MCM6: variants seen among roughly 807,000 people sequenced by gnomAD.
MCM6 encodes the protein minichromosome maintenance complex component 6, also known as DNA replication licensing factor MCM6.
In MCM6, 46 loss-of-function variants were observed where a neutral mutation model predicts 94.3. The ratio of observed to expected loss-of-function variants is 0.49; its 90% CI spans 0.39 to 0.62. MCM6 has a LOEUF of 0.62. Among genes scored for constraint, MCM6 ranks in the 20% least tolerant of loss-of-function variants. MCM6 has a pLI of 0.00. For missense variants in MCM6, 865 were observed against 1,017.9 expected (o/e 0.85, Z 2.04); for synonymous variants, 335 against 351.9 (o/e 0.95, Z 0.54).
At chr2:135,852,161 T>G (rs565503632) in intron 12 of MCM6, among the ~76,000 whole-genome samples, 1 of 152,186 alleles carries the variant, frequency 6.6e-6, no homozygotes, top group African/African-American at 2.4e-5. Flanking sequence ...GAGAGCCAAC[T>G]GCAATCTCAT....
intron 1 of MCM6, among the ~76,000 whole-genome samples, chr2:135,873,835 TA>T (rs3835798): frequency 0.17 from 26,262 of 152,098 alleles, 2,777 homozygotes; most frequent in South Asian, 0.34. Context: ...TAATTCTGCC[TA>T]AAAAAACAAC....
At chr2:135,845,864 A>C (rs1234657103) in intron 15 of MCM6, among the ~76,000 whole-genome samples, 1 of 152,234 alleles carries the variant, frequency 6.6e-6, no homozygotes, top group East Asian at 1.9e-4. Context: ...GGCTCAATTA[A>C]TTACTGTTAA....
intron 15 of MCM6, 112 bp downstream of exon 15, chr2:135,846,125 A>G: frequency 9.4e-7 from 1 of 1,069,290 alleles, no homozygotes. Flanking sequence ...TTATCTAACA[A>G]CTTATCCTCT....
intron 1 of MCM6, among the ~76,000 whole-genome samples, chr2:135,873,175 T>C (rs1285505345): frequency 2.0e-5 from 3 of 152,186 alleles, no homozygotes; most frequent in Non-Finnish European, 4.4e-5. Context: ...CAAGCTCTCT[T>C]TGCCTGATGC....
chr2:135,846,315 C>A lies in MCM6; in HGVS notation c.2131G>T (p.Ala711Ser). The part of the protein sequence containing the change: ...EDINQESAPK[A>S]SLRLGFSEYC... ...TCAGAGAAGCCCAGCCTTAAGGAGG[C>A]TTTGGGAGCAGACTCTTGATTTATG... The change falls in exon 15 of 17, where the codon GCC becomes TCC. Residue 711 changes from alanine to serine, a missense_variant. Around this residue, in one of 3 missense-constraint regions of MCM6, gnomAD observed 308 missense variants for 324.5 expected, o/e 0.95. Transcript: ENST00000264156. 6.2e-7 allele frequency: 1 copy of A among 1,614,078 alleles called. No homozygotes were observed. Among genetic ancestry groups the A allele is most frequent in the South Asian group, 1.1e-5 (1 of 91,080 alleles).
Position 135,865,042 on chromosome 2 carries a change from A to C in MCM6, c.1049T>G (p.Leu350Arg). 1 of 1,524,916 alleles carries C rather than the reference A, an allele frequency of 6.6e-7. No homozygotes were observed. The highest frequency in any genetic ancestry group is 8.8e-7 in the Non-Finnish European group (1 of 1,136,524). The allele number at this position is 1,524,916 out of a possible 1,614,324, so 94.5% of individuals were successfully genotyped here. A position where few individuals can be genotyped will look rare whatever the true frequency, so the allele number is the denominator to read the frequency against. ...MSQDKNLYHNLCTSLFPTIHG... is the reference protein window; with the variant it reads ...MSQDKNLYHNRCTSLFPTIHG... The stretch of plus-strand genomic sequence containing the variant: ...TATAGTAGGGAACAGGCTGGTACAA[A>C]GATTGTGGTATAGATTTTTATCTTG... Residue 350 changes from leucine (L) to arginine (R), a missense_variant, in exon 7 of 17, where the codon CTT becomes CGT. Transcript: ENST00000264156.
intron 11 of MCM6, 70 bp from the exon 12 acceptor site, chr2:135,852,985 G>C (rs1347373613): frequency 1.4e-6 from 2 of 1,385,366 alleles, no homozygotes; most frequent in African/African-American, 3.0e-5. Context: ...CAGGCAATAA[G>C]AAATGATTTA....
At chr2:135,841,615 C>G (rs1485668016) in intron 16 of MCM6, among the ~76,000 whole-genome samples, 1 of 152,220 alleles carries the variant, frequency 6.6e-6, no homozygotes, top group African/African-American at 2.4e-5. Context: ...AGTATAAACA[C>G]TGAAGCCACT....
intron 6 of MCM6, 78 bp downstream of exon 6, chr2:135,866,054 A>T: frequency 6.6e-7 from 1 of 1,512,552 alleles, no homozygotes; most frequent in Non-Finnish European, 9.0e-7. Flanking sequence ...GTGAGCCATG[A>T]CTTTGCCATT....
intron 16 of MCM6, among the ~76,000 whole-genome samples, chr2:135,844,119 C>CAA (rs748375569): frequency 1.7e-5 from 2 of 118,766 alleles, no homozygotes; most frequent in Non-Finnish European, 3.6e-5. Context: ...GATAAGGATA[C>CAA]AAAAAAAAAA....
At chr2:135,869,301 C>T (rs561926481) in intron 3 of MCM6, among the ~76,000 whole-genome samples, 1 of 150,624 alleles carries the variant, frequency 6.6e-6, no homozygotes, top group East Asian at 2.0e-4. Flanking sequence ...CTCGGGGAGC[C>T]GAGGCAGGAG....
chr2:135,850,465 A>G (rs1376809251), intron 13 of MCM6, among the ~76,000 whole-genome samples: 1 of 152,212 alleles, frequency 6.6e-6, no homozygotes. Flanking sequence ...CAGCAATGGA[A>G]GGCAGGGGCT....
At chr2:135,852,722 C>A in intron 12 of MCM6, 65 bp downstream of exon 12, 1 of 1,149,190 alleles carries the variant, frequency 8.7e-7, no homozygotes, top group South Asian at 3.0e-5. Flanking sequence ...CCATATAACA[C>A]ACTTACTTAA....
intron 2 of MCM6, 49 bp downstream of exon 2, chr2:135,872,648 C>T (rs1680222861): frequency 6.3e-7 from 1 of 1,585,216 alleles, no homozygotes; most frequent in African/African-American, 1.4e-5. Flanking sequence ...GAGCTGGCTT[C>T]CCGGATTTCA....
chr2:135,874,665 T>C (rs1353490135), intron 1 of MCM6, among the ~76,000 whole-genome samples: 2 of 152,146 alleles, frequency 1.3e-5, no homozygotes, highest in African/African-American at 4.8e-5. Context: ...GTCCAAAATC[T>C]GAAACTTTTT....
chr2:135,859,836 C>T (rs761212564), intron 8 of MCM6, among the ~76,000 whole-genome samples: 1 of 152,106 alleles, frequency 6.6e-6, no homozygotes, highest in South Asian at 2.1e-4. Flanking sequence ...CACAGTCTTG[C>T]TCTGTCGCCC....
At chr2:135,863,806 CTT>C (rs978830462) in intron 7 of MCM6, among the ~76,000 whole-genome samples, 3 of 150,426 alleles carry the variant, frequency 2.0e-5, no homozygotes, top group Non-Finnish European at 4.4e-5. Context: ...ACTTCTCTGA[CTT>C]ATATTTAGAT....
Position 135,865,122 on chromosome 2 carries a change from C to T in MCM6, c.969G>A (p.Glu323=), listed in dbSNP as rs4988180. 176 of 1,575,146 alleles carry T rather than the reference C, an allele frequency of 1.1e-4. No individual in the cohort carries two copies. In the African/African-American group the frequency reaches 1.4e-3, roughly 13 times the overall value. Residue 323 remains glutamate, a synonymous_variant, in exon 7 of 17, where the codon GAG becomes GAA. Coordinates refer to ENST00000264156, the MANE Select transcript of MCM6 (RefSeq NM_005915.6). ...KELRDEEQTA[E]SIKNQMTVKE... ...TCACAGTCATTTGGTTCTTAATGCT[C>T]TCAGCTGTCTGTTCCTCATCTCTGA...
rs1679556670 is a variant in MCM6, at chr2:135,840,889, G to A, written c.2412C>T (p.Ser804=). Residue 804 remains serine, a synonymous_variant, in exon 17 of 17, where the codon AGC becomes AGT. Transcript: ENST00000264156. ...GLKGSTEGSE[S]YEEDPYLVVN... is the part of the protein sequence containing the mutation. ...CTACCAAGTAGGGATCTTCTTCATAGCTCTCACTTCCCTCTGTGGAGCCTT... is the reference window on the plus strand; with the variant it reads ...CTACCAAGTAGGGATCTTCTTCATAACTCTCACTTCCCTCTGTGGAGCCTT... The A allele has an allele frequency of 3.7e-6, 6 of 1,614,136 alleles. No homozygotes were observed. The Admixed American group carries it at 8.3e-5, about 22-fold the overall frequency.
Sources: gnomAD v4.1 joint callset for allele counts (sites outside exome capture counted in the v4.1 genomes callset) on GRCh38, gnomAD v4.1.1 for gene constraint, gnomAD v4.1.1 regional missense constraint, MANE v1.5 for transcripts, NCBI Gene and HGNC (gene_info 2026-07-23, HGNC 2026-07-21) for gene names.